The following CSPP1 variants were observed in gnomAD, a reference collection of about 807,000 sequenced individuals.
CSPP1 encodes the protein centrosome and spindle pole associated protein 1, also known as centrosome and spindle pole-associated protein 1.
A neutral mutation model predicts 164.4 loss-of-function variants in CSPP1; 126 were observed. The observed-to-expected ratio is 0.77, with a 90% confidence interval of 0.66 to 0.89. The LOEUF (loss-of-function observed/expected upper bound fraction) is 0.89, where lower values mean the gene tolerates loss of function less well. Among genes scored for constraint, CSPP1 ranks in the 40% least tolerant of loss-of-function variants. CSPP1 has a pLI of 0.00. For missense variants in CSPP1, 1,395 were observed against 1,449.8 expected (o/e 0.96, Z 0.61); for synonymous variants, 472 against 476.7 (o/e 0.99, Z 0.13).
intron 6 of CSPP1, among the ~76,000 whole-genome samples, chr8:67,095,018 C>T (rs1015414469): frequency 2.0e-5 from 3 of 152,110 alleles, no homozygotes; most frequent in Admixed American, 1.3e-4. Context: ...TGATTCATTC[C>T]GTTTTGTTGC....
In CSPP1 at chr8:67,152,969, G is replaced by A. The variant is rs561995275; in HGVS notation, c.2129-1055G>A. Among the ~76,000 whole-genome samples, 443 of 152,240 alleles carry A rather than the reference G, an allele frequency of 2.9e-3. 2 individuals carry two copies. The highest frequency in any genetic ancestry group is 7.3e-3 in the Admixed American group (112 of 15,286). ...TCCCAGCACTTTTGGAGGCCGAGGC[G>A]GGCGGATCATCTGAGGTCAGGAGTT... On this transcript the variant is annotated intron_variant, in intron 18 of 30. Coordinates refer to ENST00000678616, the MANE Select transcript of CSPP1 (RefSeq NM_001382391.1).
chr8:67,095,559 A>C lies in CSPP1; in HGVS notation c.750A>C (p.Ala250=). ...CCAACCTAAAACATCAAAGGTTTGC[A>C]AGCAAGGCTGGCATTCCAGATAGAA... ...GISNLKHQRF[A]SKAGIPDRRF... is the part of the protein sequence containing the mutation. The change falls in exon 7 of 31, where the codon GCA becomes GCC. Residue 250 remains alanine (A), a synonymous_variant. Transcript: ENST00000678616. The C allele has an allele frequency of 6.2e-7, 1 of 1,613,942 alleles. No individual in the cohort carries two copies. The highest frequency in any genetic ancestry group is 8.5e-7 in the Non-Finnish European group (1 of 1,179,974).
At position 67,159,038 on chromosome 8, in the gene CSPP1, A is replaced by G; in HGVS notation, c.2439A>G (p.Gln813=). ...ATATTCGGTTAGCTGAAGAAAGACA[A>G]AAAGAAGCAGAAAGAAAGAAGAAAG... ...EEHIRLAEER[Q]KEAERKKKEE... is the part of the protein sequence containing the mutation. The change falls in exon 21 of 31, where the codon CAA becomes CAG. Residue 813 remains glutamine (Q), a synonymous_variant. Coordinates refer to ENST00000678616, the MANE Select transcript of CSPP1 (RefSeq NM_001382391.1). 1 of 1,612,842 alleles carries G rather than the reference A, an allele frequency of 6.2e-7. No individual in the cohort carries two copies. Among genetic ancestry groups the G allele is most frequent in the South Asian group, 1.1e-5 (1 of 90,734 alleles).
intron 21 of CSPP1, among the ~76,000 whole-genome samples, chr8:67,159,850 CTTTTTCTTTCTTTCTTTCTTTCTT>C (rs1827483824): frequency 2.2e-5 from 2 of 91,642 alleles, no homozygotes; most frequent in Non-Finnish European, 4.0e-5. Flanking sequence ...TTCTTTCTTT[CTTTTTCTTTCTTTCTTTCTTTCTT>C]TCTTTCTTTC....
intron 3 of CSPP1, among the ~76,000 whole-genome samples, chr8:67,077,272 G>A (rs1465347236): frequency 6.6e-6 from 1 of 151,776 alleles, no homozygotes; most frequent in East Asian, 1.9e-4. Flanking sequence ...TCCTGCCTTG[G>A]CCTCCCAAAG....
At chr8:67,085,454 A>G (rs1218231350) in intron 3 of CSPP1, among the ~76,000 whole-genome samples, 1 of 152,032 alleles carries the variant, frequency 6.6e-6, no homozygotes, top group Non-Finnish European at 1.5e-5. Flanking sequence ...TATTAAAGAT[A>G]TTCTTGTATG....
chr8:67,111,421 AG>A (rs1015143041), intron 9 of CSPP1, among the ~76,000 whole-genome samples: 11 of 152,130 alleles, frequency 7.2e-5, no homozygotes, highest in Non-Finnish European at 1.5e-4. Context: ...GTAATTAGTT[AG>A]GAAGTTATTG....
chr8:67,174,588 T>C, intron 25 of CSPP1: 1 of 152,100 alleles, frequency 6.6e-6, no homozygotes, highest in Non-Finnish European at 1.5e-5. Flanking sequence ...TAGTGAAACC[T>C]CGTCTCTACT....
intron 30 of CSPP1, 61 bp from the exon 31 acceptor site, chr8:67,195,321 C>A: frequency 2.0e-6 from 2 of 998,976 alleles, no homozygotes; most frequent in Non-Finnish European, 1.6e-6. Flanking sequence ...AAGAGACCTG[C>A]GCTTATGTCT....
intron 18 of CSPP1, among the ~76,000 whole-genome samples, chr8:67,151,266 T>C (rs936421743): frequency 2.0e-5 from 3 of 152,248 alleles, no homozygotes; most frequent in African/African-American, 7.2e-5. Flanking sequence ...AATTGGAACC[T>C]TTGATTTTGA....
chr8:67,168,605 T>G (rs1157207944), intron 24 of CSPP1, among the ~76,000 whole-genome samples: 1 of 152,232 alleles, frequency 6.6e-6, no homozygotes, highest in Non-Finnish European at 1.5e-5. Context: ...ACATTTATCA[T>G]CATTTAGCAA....
intron 28 of CSPP1, among the ~76,000 whole-genome samples, chr8:67,181,076 C>T (rs371300709): frequency 1.1e-4 from 17 of 151,564 alleles, no homozygotes; most frequent in South Asian, 6.2e-4. Flanking sequence ...CTTGCTCTGT[C>T]GCCCAGGCTG....
In CSPP1 at chr8:67,164,468, C is replaced by T. The variant is rs537456518; in HGVS notation, c.2788C>T (p.Arg930Ter). The change falls in exon 24 of 31, where the codon CGA becomes TGA. Residue 930 changes from arginine to a stop codon, truncating the protein, a stop_gained. Transcript: ENST00000678616. LOFTEE classifies it high-confidence loss of function. The part of the protein sequence containing the change: ...LRSEERRLQE[R>*]LLHMDSDDEI... The stretch of plus-strand genomic sequence containing the variant: ...TAGTGAAGAGAGGCGTCTACAAGAG[C>T]GATTGCTACACATGGACAGTGATGA... 2.5e-6 allele frequency: 4 copies of T among 1,596,792 alleles called. No individual in the cohort carries two copies. In the South Asian group the frequency reaches 3.3e-5, roughly 13 times the overall value.
chr8:67,137,174 G>GT (rs1822494507), intron 16 of CSPP1, among the ~76,000 whole-genome samples: 1 of 151,870 alleles, frequency 6.6e-6, no homozygotes, highest in South Asian at 2.1e-4. Flanking sequence ...TAGAGATGGG[G>GT]TTTTGCATGT....
chr8:67,095,257 C>T (rs779030883), intron 6 of CSPP1, 36 bp from the exon 7 acceptor site: 1 of 1,371,338 alleles, frequency 7.3e-7, no homozygotes, highest in East Asian at 2.3e-5. Context: ...AGTTTCTTGT[C>T]AAGTTTTGTT....
At chr8:67,186,049 C>G (rs1227268886) in intron 28 of CSPP1, among the ~76,000 whole-genome samples, 2 of 152,204 alleles carry the variant, frequency 1.3e-5, no homozygotes, top group African/African-American at 4.8e-5. Context: ...AGAATTGCTT[C>G]TGGATGATTG....
chr8:67,089,615 C>T (rs1811197942), intron 4 of CSPP1, among the ~76,000 whole-genome samples: 1 of 151,972 alleles, frequency 6.6e-6, no homozygotes, highest in African/African-American at 2.4e-5. Flanking sequence ...TTTTCATTTT[C>T]CCCAGCTTGA....
chr8:67,113,734 T>C (rs72654946), intron 10 of CSPP1, 71 bp from the exon 11 acceptor site: 255 of 777,962 alleles, frequency 3.3e-4, no homozygotes, highest in Non-Finnish European at 4.8e-4. Flanking sequence ...TATAAGCTTC[T>C]TTCAGTGATG....
chr8:67,114,011 T>C (rs1817423659), intron 11 of CSPP1, 149 bp downstream of exon 11: 1 of 523,348 alleles, frequency 1.9e-6, no homozygotes, highest in African/African-American at 1.9e-5. Context: ...TCTCATAAAG[T>C]GTAAATTCTC....
Sources: allele counts gnomAD v4.1 joint callset (sites outside exome capture counted in the v4.1 genomes callset), GRCh38; gene constraint gnomAD v4.1.1; transcripts MANE v1.5; gene names NCBI Gene and HGNC (gene_info 2026-07-23, HGNC 2026-07-21).